PCDHGA7: variants seen among roughly 807,000 people sequenced by gnomAD.
The protein encoded by PCDHGA7 is protocadherin gamma subfamily A, 7, also known as protocadherin gamma-A7.
Under a neutral mutation model 58.3 loss-of-function variants are expected in PCDHGA7, and 44 were observed. The ratio of observed to expected loss-of-function variants is 0.75; its 90% CI spans 0.59 to 0.97. PCDHGA7 has a LOEUF of 0.97. Among genes scored for constraint, PCDHGA7 ranks in the 50% least tolerant of loss-of-function variants. PCDHGA7 has a pLI of 0.00. For synonymous variants in PCDHGA7, 516 were observed against 504.2 expected, an observed-to-expected ratio of 1.02 and a Z score of -0.31; for missense variants, 1,266 against 1,188.7, an observed-to-expected ratio of 1.06 and a Z score of -0.96.
rs182282975 is a variant in PCDHGA7 at position 141,420,903 on chromosome 5, A to G, written c.2424+35580A>G. The G allele has an allele frequency of 1.7e-5, 5 of 296,804 alleles. No individual in the cohort carries two copies. In the Admixed American group the frequency reaches 1.8e-4, roughly 11 times the overall value. The allele number at this position is 296,804 out of a possible 1,614,324, so 18.4% of individuals were successfully genotyped here. On this transcript the variant is annotated intron_variant, in intron 1 of 3. Transcript: ENST00000518325. ...TGTATCATCGTTTTTAAGCTCTACA[A>G]ATACGTGTGATTCACAAAGGTGAGC...
At chr5:141,427,525 C>T (rs779318429) in intron 1 of PCDHGA7, 9 of 611,980 alleles carry the variant, frequency 1.5e-5, no homozygotes, top group South Asian at 3.0e-5. Flanking sequence ...GAGCGGATCC[C>T]GGAGTACAAC....
Position 141,489,140 on chromosome 5 carries a change from G to A in PCDHGA7, c.2425-5667G>A. ...CCTCCGAGCAGTTTTTAAGAGGCTG[G>A]AAGGAGACATAAGAGACTTCAGCTG... is the stretch of plus-strand genomic sequence containing the variant. On this transcript the variant is annotated intron_variant, in intron 1 of 3. Transcript: ENST00000518325. The surrounding 1 kb of genome is among the most constrained non-coding windows in gnomAD (Gnocchi z 4.5). The A allele has an allele frequency of 1.2e-6, 1 of 841,390 alleles. No individual in the cohort carries two copies. Among genetic ancestry groups the A allele is most frequent in the South Asian group, 2.1e-5 (1 of 47,082 alleles). The allele number at this position is 841,390 out of a possible 1,614,324, so 52.1% of individuals were successfully genotyped here.
At chr5:141,420,817 A>G (rs547074952) in intron 1 of PCDHGA7, among the ~76,000 whole-genome samples, 2 of 152,354 alleles carry the variant, frequency 1.3e-5, no homozygotes, top group South Asian at 2.1e-4. Flanking sequence ...AGCCCTTTTA[A>G]TAATTACTCC....
chr5:141,431,114 G>T lies in PCDHGA7; in HGVS notation c.2424+45791G>T. On this transcript the variant is annotated intron_variant, in intron 1 of 3. Coordinates refer to ENST00000518325, the MANE Select transcript of PCDHGA7 (RefSeq NM_018920.4). This position sits in a 1 kb window ranked among gnomAD's most constrained non-coding sequence, Gnocchi z 4.8. The stretch of plus-strand genomic sequence containing the variant: ...GGAGGATAAAGTGAAAATATATGGA[G>T]TAGAAGTAGAAGTAAGGGACATTAA... 6.2e-7 allele frequency: 1 copy of T among 1,614,158 alleles called. No individual in the cohort carries two copies.
At chr5:141,396,974 T>C (rs947865597) in intron 1 of PCDHGA7, among the ~76,000 whole-genome samples, 3 of 152,218 alleles carry the variant, frequency 2.0e-5, no homozygotes, top group Admixed American at 6.5e-5. Flanking sequence ...CCTAAAAATG[T>C]TGGCTAGTTG....
intron 1 of PCDHGA7, chr5:141,388,424 GA>G: frequency 6.2e-7 from 1 of 1,613,812 alleles, no homozygotes; most frequent in African/African-American, 1.3e-5. Flanking sequence ...ATTTCTCACT[GA>G]TAAATAAAGA....
At chr5:141,422,880 G>T in intron 1 of PCDHGA7, 1 of 1,614,258 alleles carries the variant, frequency 6.2e-7, no homozygotes, top group East Asian at 2.2e-5. Flanking sequence ...CGCTGAGCCT[G>T]TTCGTGCTGG....
rs956263164 is a variant in PCDHGA7 at position 141,511,304 on chromosome 5, C to G, written c.*131C>G. The G allele has an allele frequency of 3.3e-5, 49 of 1,490,320 alleles. No homozygotes were observed. The highest frequency in any genetic ancestry group is 4.2e-5 in the African/African-American group (3 of 71,286). The allele number at this position is 1,490,320 out of a possible 1,614,324, so 92.3% of individuals were successfully genotyped here. ...TGGTAGGGGCCAAGGCCATGCTCCC[C>G]TTGGGAAACAGAAACAAGTGCCCAG... On this transcript the variant is annotated 3_prime_UTR_variant, in exon 4 of 4. Coordinates refer to ENST00000518325, the MANE Select transcript of PCDHGA7 (RefSeq NM_018920.4).
At position 141,485,129 on chromosome 5, in the gene PCDHGA7, T is replaced by G. The variant is rs761201450; in HGVS notation, c.2425-9678T>G. 2.1e-6 allele frequency: 3 copies of G among 1,462,964 alleles called. No individual in the cohort carries two copies. Among genetic ancestry groups the G allele is most frequent in the Non-Finnish European group, 2.8e-6 (3 of 1,053,766 alleles). 90.6% of individuals were successfully genotyped at this position (1,462,964 alleles called of 1,614,324 possible). A position where few individuals can be genotyped will look rare whatever the true frequency, so the allele number is the denominator to read the frequency against. On this transcript the variant is annotated intron_variant, in intron 1 of 3. Coordinates refer to ENST00000518325, the MANE Select transcript of PCDHGA7 (RefSeq NM_018920.4). The surrounding 1 kb of genome is among the most constrained non-coding windows in gnomAD (Gnocchi z 5.7). ...TGTGGCTGTTTGGGGCGGGTCGGCT[T>G]CATCCGCGTCTCAGGAGCAAGTAGA...
At chr5:141,408,645 C>T (rs763904747) in intron 1 of PCDHGA7, 10 of 1,613,890 alleles carry the variant, frequency 6.2e-6, no homozygotes, top group Non-Finnish European at 8.5e-6. Flanking sequence ...TCTGCATCCG[C>T]TGGTACACGA....
chr5:141,384,586 C>T lies in PCDHGA7; in HGVS notation c.1687C>T (p.Leu563=), dbSNP rs747814318. ...CCAGAATGACAACCCGCCCGAGATC[C>T]TGTACCCGGCCCTCCCCACAGATGG... ...LDQNDNPPEI[L]YPALPTDGST... is the part of the protein sequence containing the mutation. Residue 563 remains leucine, a synonymous_variant, in exon 1 of 4, where the codon CTG becomes TTG. Transcript: ENST00000518325. The T allele has an allele frequency of 2.5e-6, 4 of 1,614,274 alleles. No homozygotes were observed. In the South Asian group the frequency reaches 4.4e-5, roughly 18 times the overall value.
chr5:141,419,933 C>CTGG (rs1192896428), intron 1 of PCDHGA7: 1 of 1,613,952 alleles, frequency 6.2e-7, no homozygotes, highest in African/African-American at 1.3e-5. Context: ...GCAGTTTTAC[C>CTGG]TGGTGGTGGC....
chr5:141,399,336 T>C, intron 1 of PCDHGA7: 2 of 1,613,976 alleles, frequency 1.2e-6, no homozygotes, highest in Non-Finnish European at 1.7e-6. Context: ...TGGTAACAGA[T>C]GGAACCCTAG....
At position 141,385,214 on chromosome 5, in the gene PCDHGA7, A is replaced by C; in HGVS notation, c.2315A>C (p.Gln772Pro). ...DSRKSHLIFPQPNYVDMLISQ... is the reference protein window; with the variant it reads ...DSRKSHLIFPPPNYVDMLISQ... ...CGGAAGAGTCACCTGATCTTCCCCC[A>C]GCCCAACTATGTAGACATGCTCATC... The change falls in exon 1 of 4, where the codon CAG becomes CCG. Residue 772 changes from glutamine (Q) to proline (P), a missense_variant. Gln to Pro is a moderately conservative substitution (Grantham distance 76, BLOSUM62 -1). Coordinates refer to ENST00000518325, the MANE Select transcript of PCDHGA7 (RefSeq NM_018920.4). 6.2e-7 allele frequency: 1 copy of C among 1,614,200 alleles called. No individual in the cohort carries two copies. Among genetic ancestry groups the C allele is most frequent in the Non-Finnish European group, 8.5e-7 (1 of 1,180,042 alleles).
At chr5:141,458,567 TTTTGTTTG>T (rs144471304) in intron 1 of PCDHGA7, among the ~76,000 whole-genome samples, 1 of 151,488 alleles carries the variant, frequency 6.6e-6, no homozygotes, top group Non-Finnish European at 1.5e-5. Flanking sequence ...GGTTTTGGGT[TTTTGTTTG>T]TTTGTTTGTT....
At chr5:141,412,917 G>C (rs918712966) in intron 1 of PCDHGA7, 2 of 410,214 alleles carry the variant, frequency 4.9e-6, no homozygotes, top group African/African-American at 2.1e-5. Context: ...GTATCACTTG[G>C]GTGCAGTAAC....
At chr5:141,386,808 A>C (rs1477071186) in intron 1 of PCDHGA7, among the ~76,000 whole-genome samples, 1 of 152,258 alleles carries the variant, frequency 6.6e-6, no homozygotes, top group Non-Finnish European at 1.5e-5. Flanking sequence ...TATTAGATGC[A>C]TAAAATTGTT....
At chr5:141,420,469 T>C in intron 1 of PCDHGA7, 1 of 724,306 alleles carries the variant, frequency 1.4e-6, no homozygotes. Flanking sequence ...AAAGACATTT[T>C]AAAGCAAACT....
intron 2 of PCDHGA7, among the ~76,000 whole-genome samples, chr5:141,498,397 G>A (rs1019408022): frequency 1.3e-5 from 2 of 152,136 alleles, no homozygotes; most frequent in African/African-American, 4.8e-5. Flanking sequence ...GAATGGCAGG[G>A]AGTTTTCTCT....
Sources: allele counts gnomAD v4.1 joint callset (sites outside exome capture counted in the v4.1 genomes callset), GRCh38; gene constraint gnomAD v4.1.1; non-coding constraint Gnocchi (gnomAD v3.1); transcripts MANE v1.5; gene names NCBI Gene and HGNC (gene_info 2026-07-23, HGNC 2026-07-21).